Variants in ADAD1 observed in about 807,000 individuals in gnomAD.
ADAD1 encodes the protein adenosine deaminase domain-containing protein 1.
Under a neutral mutation model 66.8 loss-of-function variants are expected in ADAD1, and 46 were observed. The observed-to-expected ratio is 0.69, with a 90% CI of 0.54 to 0.88. The LOEUF (loss-of-function observed/expected upper bound fraction) is 0.88. Among genes scored for constraint, ADAD1 ranks in the 40% least tolerant of loss-of-function variants. The pLI is 0.00. For synonymous variants in ADAD1, 248 were observed against 229.4 expected, an observed-to-expected ratio of 1.08 and a Z score of -0.73; for missense variants, 617 against 681.8, an observed-to-expected ratio of 0.91 and a Z score of 1.06.
chr4:122,381,820 T>G (rs1175158257), intron 4 of ADAD1, among the ~76,000 whole-genome samples: 1 of 152,204 alleles, frequency 6.6e-6, no homozygotes, highest in Non-Finnish European at 1.5e-5. Flanking sequence ...CAGCTTAAAA[T>G]TTTAAATTTT....
chr4:122,385,757 A>G (rs1795143711), intron 5 of ADAD1, among the ~76,000 whole-genome samples: 1 of 151,992 alleles, frequency 6.6e-6, no homozygotes, highest in South Asian at 2.1e-4. Flanking sequence ...TGTGTTCTCA[A>G]TGTTCAGCTC....
chr4:122,402,156 A>G lies in ADAD1; in HGVS notation c.725-5752A>G, dbSNP rs539322154. Among the ~76,000 whole-genome samples the G allele has an allele frequency of 1.4e-3, 209 of 152,220 alleles. 1 individual carries two copies. Among genetic ancestry groups the G allele is most frequent in the Admixed American group, 4.1e-3 (62 of 15,274 alleles). On this transcript the variant is annotated intron_variant, in intron 7 of 12. Transcript: ENST00000296513. ...ATTTTGACATTTTGTTTCAAGATTC[A>G]TAAGTCCTTTTAGCATTTATTTAAT... is the stretch of plus-strand genomic sequence containing the variant.
At chr4:122,418,151 A>T (rs1316425521) in intron 11 of ADAD1, among the ~76,000 whole-genome samples, 1 of 152,086 alleles carries the variant, frequency 6.6e-6, no homozygotes, top group Non-Finnish European at 1.5e-5. Flanking sequence ...ATAGATAAGG[A>T]TGCAATCAGA....
At chr4:122,395,088 T>A (rs1298970600) in intron 6 of ADAD1, among the ~76,000 whole-genome samples, 1 of 152,098 alleles carries the variant, frequency 6.6e-6, no homozygotes, top group Non-Finnish European at 1.5e-5. Flanking sequence ...TTTGCTCTTG[T>A]CGCCCAGGCT....
chr4:122,402,389 A>G (rs923380882), intron 7 of ADAD1, among the ~76,000 whole-genome samples: 6 of 152,110 alleles, frequency 3.9e-5, no homozygotes, highest in African/African-American at 9.7e-5. Context: ...GTTTTCCTTT[A>G]TAGGTTACCT....
At chr4:122,423,720 C>T (rs956782654) in intron 12 of ADAD1, among the ~76,000 whole-genome samples, 9 of 151,856 alleles carry the variant, frequency 5.9e-5, no homozygotes, top group African/African-American at 2.2e-4. Flanking sequence ...TAATTGAGAG[C>T]CCAGATACAA....
intron 5 of ADAD1, among the ~76,000 whole-genome samples, chr4:122,387,289 T>G (rs1043426912): frequency 2.0e-5 from 3 of 152,178 alleles, no homozygotes; most frequent in Admixed American, 6.5e-5. Flanking sequence ...TATTTTATTC[T>G]CTTTGTAGTG....
intron 6 of ADAD1, among the ~76,000 whole-genome samples, chr4:122,394,087 A>G (rs534392893): frequency 2.0e-4 from 31 of 152,230 alleles, no homozygotes; most frequent in African/African-American, 7.2e-4. Context: ...TAGTTGTGTG[A>G]CCTAGGACCA....
intron 2 of ADAD1, 68 bp from the exon 3 acceptor site, chr4:122,379,994 T>C (rs1794804491): frequency 6.9e-7 from 1 of 1,454,096 alleles, no homozygotes; most frequent in Admixed American, 2.4e-5. Context: ...GGGTGGGGTT[T>C]GGAGTAAATA....
At chr4:122,423,111 A>G (rs1286785246) in intron 12 of ADAD1, among the ~76,000 whole-genome samples, 1 of 152,164 alleles carries the variant, frequency 6.6e-6, no homozygotes, top group Non-Finnish European at 1.5e-5. Context: ...TTTCAATGCC[A>G]AGAACTGTAG....
At chr4:122,395,890 A>AGG (rs1344604010) in intron 6 of ADAD1, among the ~76,000 whole-genome samples, 4 of 152,212 alleles carry the variant, frequency 2.6e-5, no homozygotes, top group Admixed American at 2.6e-4. Context: ...CACAATGATT[A>AGG]GGGCATTCAG....
intron 10 of ADAD1, among the ~76,000 whole-genome samples, chr4:122,413,139 A>G (rs762408129): frequency 5.9e-5 from 9 of 152,128 alleles, no homozygotes; most frequent in Non-Finnish European, 1.3e-4. Context: ...AAGATCAGAG[A>G]AAAACCTTGG....
intron 7 of ADAD1, among the ~76,000 whole-genome samples, chr4:122,399,581 GT>G (rs953363284): frequency 3.3e-5 from 5 of 152,054 alleles, no homozygotes; most frequent in African/African-American, 9.7e-5. Flanking sequence ...TGGCAGTATG[GT>G]GATTTTCACA....
At chr4:122,396,498 A>C in intron 7 of ADAD1, 121 bp downstream of exon 7, 1 of 773,350 alleles carries the variant, frequency 1.3e-6, no homozygotes, top group Non-Finnish European at 1.9e-6. Flanking sequence ...TTTTCTAGTA[A>C]GTGTGGGTCA....
chr4:122,429,642 A>G lies in ADAD1; in HGVS notation c.1634A>G (p.Tyr545Cys), dbSNP rs201605429. 5 of 1,611,966 alleles carry G rather than the reference A, an allele frequency of 3.1e-6. No individual in the cohort carries two copies. The East Asian group carries it at 6.7e-5, about 22-fold the overall frequency. Residue 545 changes from tyrosine (Y) to cysteine (C), a missense_variant, in exon 13 of 13, where the codon TAT becomes TGT. Transcript: ENST00000296513. ...YHAAKCMSAS[Y>C]QEAKCKLKSY... ...CTTCTCTAGTGTATGTCTGCCTCCT[A>G]TCAAGAAGCTAAATGTAAGTTGAAA...
chr4:122,416,155 G>A (rs576436706), intron 11 of ADAD1, among the ~76,000 whole-genome samples: 129 of 152,212 alleles, frequency 8.5e-4, no homozygotes, highest in Middle Eastern at 3.4e-3. Context: ...TGAGACTCAA[G>A]CTAGGTTAAA....
chr4:122,380,568 A>G (rs1449609622), intron 3 of ADAD1: 1 of 325,148 alleles, frequency 3.1e-6, no homozygotes, highest in Non-Finnish European at 5.5e-6. Context: ...AGTGTTAAGT[A>G]TAAAGCAGGG....
In ADAD1 at chr4:122,426,792, A is replaced by G. The variant is rs79727536; in HGVS notation, c.1618-2834A>G. Among the ~76,000 whole-genome samples, 668 of 152,348 alleles carry G rather than the reference A, an allele frequency of 4.4e-3. 9 individuals carry two copies. Among genetic ancestry groups the G allele is most frequent in the African/African-American group, 0.015 (642 of 41,582 alleles). ...TGACAAAGTCCAGCACCCATTCACAATAAAAACACTGAACAAACAAGGAAT... is the reference window on the plus strand; with the variant it reads ...TGACAAAGTCCAGCACCCATTCACAGTAAAAACACTGAACAAACAAGGAAT... On this transcript the variant is annotated intron_variant, in intron 12 of 12. Coordinates refer to ENST00000296513, the MANE Select transcript of ADAD1 (RefSeq NM_139243.4).
In ADAD1 at chr4:122,429,677, C is replaced by G. The variant is rs779471185; in HGVS notation, c.1669C>G (p.Gln557Glu). The G allele has an allele frequency of 1.7e-5, 28 of 1,613,418 alleles. No individual in the cohort carries two copies. Among genetic ancestry groups the G allele is most frequent in the East Asian group, 2.2e-5 (1 of 44,798 alleles). Residue 557 changes from glutamine (Q) to glutamate (E), a missense_variant, in exon 13 of 13, where the codon CAA (glutamine) becomes GAA (glutamate). By Grantham distance (29) the Gln-to-Glu change is conservative (BLOSUM62 2). Coordinates refer to ENST00000296513, the MANE Select transcript of ADAD1 (RefSeq NM_139243.4). ...TAAATGTAAGTTGAAATCCTACTTA[C>G]AACAACATGGCTATGGATCCTGGAT... ...EAKCKLKSYL[Q>E]QHGYGSWIVK...
Sources: allele counts gnomAD v4.1 joint callset (sites outside exome capture counted in the v4.1 genomes callset), GRCh38; gene constraint gnomAD v4.1.1; transcripts MANE v1.5; gene names NCBI Gene and HGNC (gene_info 2026-07-23, HGNC 2026-07-21).